Variants in LRP1B observed in about 807,000 individuals in gnomAD.
LRP1B encodes the protein low-density lipoprotein receptor-related protein 1B.
A neutral mutation model predicts 556.6 loss-of-function variants in LRP1B; 217 were observed. The ratio of observed to expected loss-of-function variants is 0.39; its 90% CI spans 0.35 to 0.44. The LOEUF (loss-of-function observed/expected upper bound fraction) is 0.44, where lower values mean the gene tolerates loss of function less well. LRP1B is among the 20% of genes least tolerant of loss of function. The pLI, the probability that LRP1B is intolerant of heterozygous loss-of-function variation, is 1.00. For missense variants in LRP1B, 5,053 were observed against 5,620.8 expected, an observed-to-expected ratio of 0.90 and a Z score of 3.23; for synonymous variants, 2,047 against 1,865.8, an observed-to-expected ratio of 1.10 and a Z score of -2.50.
chr2:140,247,905 A>G (rs143732654), intron 86 of LRP1B, among the ~76,000 whole-genome samples: 74 of 151,842 alleles, frequency 4.9e-4, no homozygotes, highest in African/African-American at 1.6e-3. Context: ...AACAAGGTCT[A>G]TTGGCTAACA....
intron 41 of LRP1B, among the ~76,000 whole-genome samples, chr2:140,686,794 A>G (rs1325873008): frequency 6.6e-6 from 1 of 152,048 alleles, no homozygotes; most frequent in Non-Finnish European, 1.5e-5. Flanking sequence ...ATGTCCATCG[A>G]TAGGAAGGAA....
intron 3 of LRP1B, among the ~76,000 whole-genome samples, chr2:141,257,462 T>C (rs1291884664): frequency 6.6e-6 from 1 of 152,162 alleles, no homozygotes; most frequent in East Asian, 1.9e-4. Flanking sequence ...ATCTTTCTAC[T>C]CTCTCTACTT....
chr2:141,187,550 A>C (rs776852591), intron 7 of LRP1B, among the ~76,000 whole-genome samples: 1 of 152,048 alleles, frequency 6.6e-6, no homozygotes, highest in Non-Finnish European at 1.5e-5. Flanking sequence ...CAGCTCCTTC[A>C]AATAAGGTGG....
At chr2:141,595,793 T>A (rs957630908) in intron 2 of LRP1B, among the ~76,000 whole-genome samples, 1 of 152,052 alleles carries the variant, frequency 6.6e-6, no homozygotes, top group Admixed American at 6.6e-5. Flanking sequence ...CCTACATAGA[T>A]TAGAAACCTC....
intron 1 of LRP1B, among the ~76,000 whole-genome samples, chr2:141,826,992 A>C (rs1696949834): frequency 6.6e-6 from 1 of 152,240 alleles, no homozygotes; most frequent in Non-Finnish European, 1.5e-5. Context: ...AAGGACAGGC[A>C]AATTTTGAGA....
At chr2:140,740,553 G>GC (rs1425915183) in intron 35 of LRP1B, among the ~76,000 whole-genome samples, 2 of 152,232 alleles carry the variant, frequency 1.3e-5, no homozygotes, top group Non-Finnish European at 2.9e-5. Flanking sequence ...CAAATAGGGT[G>GC]CAGTGTATAC....
intron 7 of LRP1B, among the ~76,000 whole-genome samples, chr2:141,086,345 C>T (rs1172268999): frequency 6.6e-6 from 1 of 152,092 alleles, no homozygotes; most frequent in Non-Finnish European, 1.5e-5. Context: ...TAAAGAAGAG[C>T]TTTTCCTTGT....
intron 41 of LRP1B, among the ~76,000 whole-genome samples, chr2:140,677,876 CAAAAAAA>C: frequency 1.3e-5 from 1 of 75,278 alleles, no homozygotes; most frequent in Non-Finnish European, 3.0e-5. Flanking sequence ...AACTATGTCT[CAAAAAAA>C]AAAAAAAAAA....
At chr2:140,502,610 C>A (rs1237896113) in intron 54 of LRP1B, among the ~76,000 whole-genome samples, 5 of 152,004 alleles carry the variant, frequency 3.3e-5, no homozygotes, top group Non-Finnish European at 7.4e-5. Context: ...CAGACTACTT[C>A]ACAGTAAATT....
chr2:140,299,843 T>C (rs1023741582), intron 83 of LRP1B, among the ~76,000 whole-genome samples: 1 of 152,018 alleles, frequency 6.6e-6, no homozygotes, highest in Non-Finnish European at 1.5e-5. Flanking sequence ...AAATAAACAG[T>C]GCGTAAAGTA....
At chr2:141,091,731 A>C (rs927955091) in intron 7 of LRP1B, among the ~76,000 whole-genome samples, 115 of 152,184 alleles carry the variant, frequency 7.6e-4, no homozygotes, top group Non-Finnish European at 1.4e-3. Context: ...AAGGAATACA[A>C]ATTATTATAA....
intron 3 of LRP1B, among the ~76,000 whole-genome samples, chr2:141,391,372 C>A (rs1251747688): frequency 1.3e-5 from 2 of 152,068 alleles, no homozygotes; most frequent in Non-Finnish European, 2.9e-5. Flanking sequence ...TTAAACTTAT[C>A]TACAGAATGT....
intron 41 of LRP1B, among the ~76,000 whole-genome samples, chr2:140,665,662 C>A (rs1685241151): frequency 6.6e-6 from 1 of 151,994 alleles, no homozygotes; most frequent in South Asian, 2.1e-4. Context: ...CACATATGGC[C>A]AAACCTGAGA....
At chr2:141,949,389 A>C (rs1701044694) in intron 1 of LRP1B, among the ~76,000 whole-genome samples, 2 of 152,112 alleles carry the variant, frequency 1.3e-5, no homozygotes, top group Non-Finnish European at 2.9e-5. Context: ...TGACCAAATA[A>C]AAATTATCCA....
intron 2 of LRP1B, among the ~76,000 whole-genome samples, chr2:141,752,325 G>A (rs1694143872): frequency 6.6e-6 from 1 of 152,084 alleles, no homozygotes; most frequent in Non-Finnish European, 1.5e-5. Context: ...CCCTAAAGTG[G>A]AGAAATCTCT....
Position 141,563,023 on chromosome 2 carries a change from GA to G in LRP1B, c.206-82491del, listed in dbSNP as rs1686218483. On this transcript the variant is annotated intron_variant, in intron 2 of 90. Coordinates refer to ENST00000389484, the MANE Select transcript of LRP1B (RefSeq NM_018557.3). ...GGAAATTGGGCTTGGAAAGGGATGT[GA>G]AAACTTCTGAAATCTTGAGCAAACA... Among the ~76,000 whole-genome samples, 6 of 151,988 alleles carry G rather than the reference GA, an allele frequency of 3.9e-5. No homozygotes were observed. The South Asian group carries it at 1.2e-3, about 32-fold the overall frequency.
At chr2:140,364,894 A>G (rs1216073126) in intron 71 of LRP1B, 111 bp from the exon 72 acceptor site, 3 of 784,718 alleles carry the variant, frequency 3.8e-6, no homozygotes, top group East Asian at 2.6e-5. Flanking sequence ...CTGCTTCCAT[A>G]TATGTATTAT....
intron 33 of LRP1B, among the ~76,000 whole-genome samples, chr2:140,774,936 T>A (rs189701647): frequency 6.6e-6 from 1 of 152,294 alleles, no homozygotes; most frequent in East Asian, 1.9e-4. Flanking sequence ...GGTATATGTA[T>A]GTATATACAT....
chr2:141,862,649 C>CAGGT (rs1218622274), intron 1 of LRP1B, among the ~76,000 whole-genome samples: 1 of 152,158 alleles, frequency 6.6e-6, no homozygotes, highest in Non-Finnish European at 1.5e-5. Flanking sequence ...CCTCGTGATC[C>CAGGT]ACCTGCATTG....
Sources: gnomAD v4.1 joint callset for allele counts (sites outside exome capture counted in the v4.1 genomes callset) on GRCh38, gnomAD v4.1.1 for gene constraint, MANE v1.5 for transcripts, NCBI Gene and HGNC (gene_info 2026-07-23, HGNC 2026-07-21) for gene names.